Variants in FLI1 observed in about 807,000 individuals in gnomAD.
The protein encoded by FLI1 is Fli-1 proto-oncogene, ETS transcription factor.
In FLI1, 13 loss-of-function variants were observed where a neutral mutation model predicts 53.1. The observed-to-expected ratio is 0.24, with a 90% CI of 0.16 to 0.39. FLI1 has a LOEUF of 0.39. Among genes scored for constraint, FLI1 ranks in the 10% least tolerant of loss-of-function variants. The pLI is 1.00. For missense variants in FLI1, 424 were observed against 600.5 expected (o/e 0.71, Z 3.07); for synonymous variants, 244 against 236.7 (o/e 1.03, Z -0.28).
intron 1 of FLI1, among the ~76,000 whole-genome samples, chr11:128,727,677 C>T (rs1385525850): frequency 6.6e-6 from 1 of 152,236 alleles, no homozygotes; most frequent in African/African-American, 2.4e-5. Context: ...ACAACTGGCT[C>T]TCCAGGTTTG....
At chr11:128,699,478 C>T (rs928404610) in intron 1 of FLI1, among the ~76,000 whole-genome samples, 2 of 152,130 alleles carry the variant, frequency 1.3e-5, no homozygotes, top group African/African-American at 4.8e-5. Flanking sequence ...AAACACACAC[C>T]TACACACACA....
chr11:128,794,588 C>G (rs925108572), intron 5 of FLI1, among the ~76,000 whole-genome samples: 8 of 152,304 alleles, frequency 5.3e-5, no homozygotes, highest in Middle Eastern at 3.4e-3. Flanking sequence ...AAAAACCTTT[C>G]TAATCCCTTT....
chr11:128,744,170 C>A (rs937926188), intron 1 of FLI1, among the ~76,000 whole-genome samples: 1 of 152,166 alleles, frequency 6.6e-6, no homozygotes, highest in Admixed American at 6.5e-5. Context: ...TGAGCTTACT[C>A]GTAGACAGAG....
chr11:128,771,384 G>A (rs898193944), intron 3 of FLI1, among the ~76,000 whole-genome samples: 4 of 152,214 alleles, frequency 2.6e-5, no homozygotes, highest in Non-Finnish European at 5.9e-5. Flanking sequence ...CTCGGGCCCT[G>A]CCACCCAGAT....
chr11:128,781,845 C>G, intron 4 of FLI1, 113 bp from the exon 5 acceptor site: 3 of 819,242 alleles, frequency 3.7e-6, no homozygotes, highest in Non-Finnish European at 6.4e-6. Flanking sequence ...AGTCCTCTGT[C>G]CCTCTTCCCC....
intron 1 of FLI1, among the ~76,000 whole-genome samples, chr11:128,715,563 T>C (rs1462592590): frequency 6.6e-6 from 1 of 152,172 alleles, no homozygotes; most frequent in Non-Finnish European, 1.5e-5. Context: ...TAAGGGTCAT[T>C]TTATTATCTC....
chr11:128,807,236 C>T lies in FLI1; in HGVS notation c.778C>T (p.Pro260Ser). Residue 260 changes from proline (P) to serine (S), a missense_variant, in exon 7 of 9, where the codon CCA becomes TCA. Physicochemically the swap from Pro to Ser is moderately conservative, Grantham distance 74 (BLOSUM62 -1). This residue lies in a region of FLI1 where 71 missense variants were observed against 174.2 expected (regional missense o/e 0.41). Coordinates refer to ENST00000527786, the MANE Select transcript of FLI1 (RefSeq NM_002017.5). ...TAAGAATACAGAGCAACGGCCCCAG[C>T]CAGGTACCTGCCCAGGATATGTAAT... ...ISKNTEQRPQ[P>S]DPYQILGPTS... The T allele has an allele frequency of 6.3e-7, 1 of 1,598,576 alleles. No homozygotes were observed. Among genetic ancestry groups the T allele is most frequent in the Non-Finnish European group, 8.5e-7 (1 of 1,172,054 alleles).
In FLI1 at chr11:128,784,268, C is replaced by CCTCCTCCTCCTG. The variant is rs1331908622; in HGVS notation, c.655+2247_655+2248insCCTCCTCCTGCT. 2.2e-4 allele frequency among the ~76,000 whole-genome samples: 29 copies of CCTCCTCCTCCTG among 130,286 alleles called. 3 individuals carry two copies. Among genetic ancestry groups the CCTCCTCCTCCTG allele is most frequent in the African/African-American group, 8.2e-4 (28 of 33,950 alleles). The allele number at this position is 130,286 out of a possible 152,430, so 85.5% of individuals were successfully genotyped here. A position where few individuals can be genotyped will look rare whatever the true frequency, so the allele number is the denominator to read the frequency against. On this transcript the variant is annotated intron_variant, in intron 5 of 8. Coordinates refer to ENST00000527786, the MANE Select transcript of FLI1 (RefSeq NM_002017.5). ...TCCTCCTCCTCCTCCTCCTCCTCCT[C>CCTCCTCCTCCTG]CTGCTGTCTTATTGTTCAGCCGTGT...
intron 7 of FLI1, among the ~76,000 whole-genome samples, chr11:128,808,778 A>C (rs1393409506): frequency 6.6e-6 from 1 of 152,198 alleles, no homozygotes; most frequent in East Asian, 1.9e-4. Flanking sequence ...AGAGTTATTA[A>C]AGACCAGTAA....
At chr11:128,770,574 T>G (rs1006606839) in intron 3 of FLI1, among the ~76,000 whole-genome samples, 2 of 152,196 alleles carry the variant, frequency 1.3e-5, no homozygotes, top group Non-Finnish European at 2.9e-5. Flanking sequence ...GATCCAGAGT[T>G]GAAGATTTAT....
intron 1 of FLI1, among the ~76,000 whole-genome samples, chr11:128,700,386 G>T (rs1309676834): frequency 6.6e-6 from 1 of 152,200 alleles, no homozygotes; most frequent in East Asian, 1.9e-4. Flanking sequence ...ACACACACTG[G>T]CCACACTGCC....
At chr11:128,790,927 G>T (rs1591816426) in intron 5 of FLI1, among the ~76,000 whole-genome samples, 1 of 152,146 alleles carries the variant, frequency 6.6e-6, no homozygotes, top group Non-Finnish European at 1.5e-5. Flanking sequence ...GCTACCAGAG[G>T]TTGTGCAGGC....
At chr11:128,738,723 G>A (rs537663272) in intron 1 of FLI1, among the ~76,000 whole-genome samples, 4 of 152,208 alleles carry the variant, frequency 2.6e-5, no homozygotes, top group Admixed American at 1.3e-4. Context: ...GACTAAGAGC[G>A]CTTTGGAAAG....
chr11:128,736,684 A>G (rs540953861), intron 1 of FLI1, among the ~76,000 whole-genome samples: 1 of 152,368 alleles, frequency 6.6e-6, no homozygotes, highest in East Asian at 1.9e-4. Context: ...CAAATTCTGT[A>G]TATATAATCA....
At chr11:128,795,973 C>T (rs1942430934) in intron 5 of FLI1, among the ~76,000 whole-genome samples, 1 of 152,220 alleles carries the variant, frequency 6.6e-6, no homozygotes, top group African/African-American at 2.4e-5. Flanking sequence ...TCTCCCGCCC[C>T]TGCCAAGTAT....
intron 1 of FLI1, among the ~76,000 whole-genome samples, chr11:128,715,100 C>A (rs114642564): frequency 6.6e-6 from 1 of 152,146 alleles, no homozygotes; most frequent in African/African-American, 2.4e-5. Flanking sequence ...CCAAGACATA[C>A]GAAACTCAAG....
At chr11:128,695,323 G>T (rs1183764002) in intron 1 of FLI1, among the ~76,000 whole-genome samples, 1 of 152,258 alleles carries the variant, frequency 6.6e-6, no homozygotes, top group Non-Finnish European at 1.5e-5. Context: ...AACGTGACGG[G>T]CCTTAGAGGA....
chr11:128,783,335 TTCC>T (rs1941982993), intron 5 of FLI1, among the ~76,000 whole-genome samples: 1 of 152,236 alleles, frequency 6.6e-6, no homozygotes. Context: ...CACTTTGTGT[TTCC>T]TGTTAACAAT....
At chr11:128,730,740 A>G (rs1472741222) in intron 1 of FLI1, among the ~76,000 whole-genome samples, 1 of 152,224 alleles carries the variant, frequency 6.6e-6, no homozygotes, top group African/African-American at 2.4e-5. Context: ...GAAATGTATT[A>G]GGGAGAAGCA....
Sources: gnomAD v4.1 joint callset for allele counts (sites outside exome capture counted in the v4.1 genomes callset) on GRCh38, gnomAD v4.1.1 for gene constraint, gnomAD v4.1.1 regional missense constraint, MANE v1.5 for transcripts, NCBI Gene and HGNC (gene_info 2026-07-23, HGNC 2026-07-21) for gene names.